MED12L: variants seen among roughly 807,000 people sequenced by gnomAD.
MED12L encodes the protein mediator of RNA polymerase II transcription subunit 12-like protein.
A neutral mutation model predicts 281.3 loss-of-function variants in MED12L; 60 were observed. The ratio of observed to expected loss-of-function variants is 0.21; its 90% CI spans 0.17 to 0.26. The LOEUF is 0.26. Among genes scored for constraint, MED12L ranks in the 10% least tolerant of loss-of-function variants. The pLI, the probability that MED12L is intolerant of heterozygous loss-of-function variation, is 1.00. For synonymous variants in MED12L, 974 were observed against 987.2 expected, an observed-to-expected ratio of 0.99 and a Z score of 0.25; for missense variants, 2,146 against 2,680.9, an observed-to-expected ratio of 0.80 and a Z score of 4.41.
intron 16 of MED12L, chr3:151,337,175 TTTC>T (rs1256989691): frequency 6.6e-6 from 1 of 152,124 alleles, no homozygotes; most frequent in African/African-American, 2.4e-5. Flanking sequence ...GACTTCGATA[TTTC>T]TTCTCTTTAT....
At chr3:151,090,611 G>A (rs1408349643) in intron 2 of MED12L, among the ~76,000 whole-genome samples, 1 of 152,186 alleles carries the variant, frequency 6.6e-6, no homozygotes, top group Non-Finnish European at 1.5e-5. Context: ...CGGTGACTGA[G>A]GGCTGTTGGG....
chr3:151,337,858 CT>C, intron 16 of MED12L: 2 of 1,614,110 alleles, frequency 1.2e-6, no homozygotes, highest in African/African-American at 1.3e-5. Context: ...CCATCCTGTT[CT>C]TTTTTCCTAT....
rs1286345046 is a variant in MED12L at position 151,384,208 on chromosome 3, A to G, written c.4916A>G (p.Lys1639Arg). 6.2e-7 allele frequency: 1 copy of G among 1,604,580 alleles called. No homozygotes were observed. Among genetic ancestry groups the G allele is most frequent in the African/African-American group, 1.3e-5 (1 of 74,490 alleles). ...ENKRAYMNLV[K>R]KLKKELGDKR... Reference sequence around the variant, plus strand: ...AAGCGTGCATACATGAATTTAGTAAAGAAACTGAAAGTAAGTTTGAGATCA... The same window carrying G: ...AAGCGTGCATACATGAATTTAGTAAGGAAACTGAAAGTAAGTTTGAGATCA... Residue 1639 changes from lysine (K) to arginine (R), a missense_variant, in exon 35 of 45, where the codon AAG becomes AGG. By Grantham distance (26) the Lys-to-Arg change is conservative. Transcript: ENST00000687756.
rs181443675 is a variant in MED12L, at chr3:151,275,847, A to G, written c.2251-74212A>G. 6.6e-5 allele frequency among the ~76,000 whole-genome samples: 10 copies of G among 152,206 alleles called. No individual in the cohort carries two copies. The East Asian group carries it at 1.9e-3, about 29-fold the overall frequency. On this transcript the variant is annotated intron_variant, in intron 16 of 44. Transcript: ENST00000687756. ...AGATAGGATATTTTTACTGAAGTTG[A>G]TTTATCTAGCTGTGCTGCTCAGACT...
At chr3:151,338,048 A>G (rs752154675) in intron 16 of MED12L, 1 of 1,614,124 alleles carries the variant, frequency 6.2e-7, no homozygotes, top group South Asian at 1.1e-5. Flanking sequence ...AGTCAAAGAC[A>G]TCCCGGGTTT....
intron 5 of MED12L, among the ~76,000 whole-genome samples, chr3:151,147,361 C>A (rs1717881251): frequency 6.6e-6 from 1 of 152,166 alleles, no homozygotes; most frequent in Non-Finnish European, 1.5e-5. Context: ...TATTAAAAAA[C>A]CAGCTTTATT....
chr3:151,372,460 T>C, intron 26 of MED12L, 107 bp from the exon 27 acceptor site: 1 of 766,286 alleles, frequency 1.3e-6, no homozygotes, highest in African/African-American at 1.7e-5. Flanking sequence ...TCAATAATAA[T>C]ACTGTTCATA....
intron 33 of MED12L, among the ~76,000 whole-genome samples, chr3:151,382,989 C>T (rs1484327054): frequency 6.6e-6 from 1 of 152,174 alleles, no homozygotes; most frequent in Non-Finnish European, 1.5e-5. Context: ...TCTACCTCTA[C>T]CCCAGTGAAT....
chr3:151,261,066 T>G (rs1738788041), intron 16 of MED12L, among the ~76,000 whole-genome samples: 1 of 152,176 alleles, frequency 6.6e-6, no homozygotes, highest in Non-Finnish European at 1.5e-5. Context: ...GGCTTTTGTT[T>G]TTTTGGAGGG....
At chr3:151,269,442 A>ACACACACACACACACAC (rs1559962872) in intron 16 of MED12L, 8 of 178,068 alleles carry the variant, frequency 4.5e-5, no homozygotes, top group African/African-American at 3.1e-4. Context: ...CACACACACA[A>ACACACACACACACACAC]AATTCAGAGA....
At chr3:151,348,874 A>G (rs1242269492) in intron 16 of MED12L, among the ~76,000 whole-genome samples, 1 of 152,152 alleles carries the variant, frequency 6.6e-6, no homozygotes, top group Non-Finnish European at 1.5e-5. Context: ...CAAACATTGG[A>G]CTTCTCCTAG....
intron 16 of MED12L, among the ~76,000 whole-genome samples, chr3:151,246,260 GA>G (rs1163694582): frequency 6.6e-4 from 100 of 152,216 alleles, no homozygotes; most frequent in Middle Eastern, 3.4e-3. Context: ...CACAGAATTG[GA>G]AAAAACTACT....
chr3:151,238,111 A>C (rs1337755359), intron 16 of MED12L, among the ~76,000 whole-genome samples: 1 of 151,644 alleles, frequency 6.6e-6, no homozygotes, highest in Admixed American at 6.6e-5. Flanking sequence ...TTCTGTCCTA[A>C]AGTTTAGAAC....
chr3:151,201,101 T>C (rs1447033580), intron 16 of MED12L: 1 of 152,262 alleles, frequency 6.6e-6, no homozygotes, highest in Admixed American at 6.5e-5. Context: ...AACTATGTTC[T>C]AAACAATTTT....
chr3:151,208,533 T>C (rs1259764309), intron 16 of MED12L, among the ~76,000 whole-genome samples: 1 of 151,964 alleles, frequency 6.6e-6, no homozygotes, highest in Non-Finnish European at 1.5e-5. Context: ...AATACAAAAA[T>C]TAGCCAGGCG....
intron 16 of MED12L, among the ~76,000 whole-genome samples, chr3:151,251,640 C>T (rs1736881424): frequency 6.6e-6 from 1 of 152,162 alleles, no homozygotes; most frequent in South Asian, 2.1e-4. Flanking sequence ...CCACTATTTG[C>T]CTTGGTCTGT....
chr3:151,169,243 A>G (rs1188012551), intron 11 of MED12L, among the ~76,000 whole-genome samples: 1 of 149,662 alleles, frequency 6.7e-6, no homozygotes, highest in African/African-American at 2.5e-5. Flanking sequence ...TCAGCCTTCC[A>G]AGTAGCTGGA....
intron 16 of MED12L, among the ~76,000 whole-genome samples, chr3:151,267,896 T>A: frequency 6.6e-6 from 1 of 152,286 alleles, no homozygotes; most frequent in Non-Finnish European, 1.5e-5. Flanking sequence ...TTTTTAAAAT[T>A]TCTTTGTACG....
intron 16 of MED12L, among the ~76,000 whole-genome samples, chr3:151,319,502 T>C (rs867793694): frequency 1.4e-5 from 2 of 138,212 alleles, no homozygotes; most frequent in South Asian, 4.6e-4. Flanking sequence ...TGTGTGTGTG[T>C]GTGTCGGCCA....
Sources: allele counts gnomAD v4.1 joint callset (sites outside exome capture counted in the v4.1 genomes callset), GRCh38; gene constraint gnomAD v4.1.1; transcripts MANE v1.5; gene names NCBI Gene and HGNC (gene_info 2026-07-23, HGNC 2026-07-21).